Variants in RNF111 observed in about 807,000 individuals in gnomAD.
RNF111 encodes ring finger protein 111, also known as E3 ubiquitin-protein ligase Arkadia.
In RNF111, 17 loss-of-function variants were observed where a neutral mutation model predicts 95.1. The observed-to-expected ratio is 0.18, with a 90% CI of 0.12 to 0.27. The LOEUF (loss-of-function observed/expected upper bound fraction) is 0.27, where lower values mean the gene tolerates loss of function less well. Among genes scored for constraint, RNF111 ranks in the 10% least tolerant of loss-of-function variants. The probability of loss-of-function intolerance (pLI) is 1.00; values close to 1 mark genes in which losing one functional copy is unlikely to be tolerated. For missense variants in RNF111, 1,189 were observed against 1,210.4 expected (o/e 0.98, Z 0.26); for synonymous variants, 440 against 414.8 (o/e 1.06, Z -0.74).
intron 1 of RNF111, among the ~76,000 whole-genome samples, chr15:59,024,741 T>C (rs867331531): frequency 1.1e-4 from 17 of 152,240 alleles, no homozygotes; most frequent in Admixed American, 8.5e-4. Flanking sequence ...ATTAAGTACA[T>C]TGACATTGTT....
At position 59,074,116 on chromosome 15, in the gene RNF111, G is replaced by A. The variant is rs148226046; in HGVS notation, c.1687-1838G>A. ...ATTCTTAAAATATTCAGTAAACCACGTAAATAGCTGTACTGTCATCTAGGC... is the reference window on the plus strand; with the variant it reads ...ATTCTTAAAATATTCAGTAAACCACATAAATAGCTGTACTGTCATCTAGGC... On this transcript the variant is annotated intron_variant, in intron 6 of 13. Coordinates refer to ENST00000348370, the MANE Select transcript of RNF111 (RefSeq NM_017610.8). Among the ~76,000 whole-genome samples, 5 of 152,094 alleles carry A rather than the reference G, an allele frequency of 3.3e-5. No homozygotes were observed. In the East Asian group the frequency reaches 5.8e-4, roughly 18 times the overall value.
intron 5 of RNF111, among the ~76,000 whole-genome samples, chr15:59,060,994 G>A (rs1372854767): frequency 6.6e-6 from 1 of 151,810 alleles, no homozygotes; most frequent in Non-Finnish European, 1.5e-5. Context: ...TTGCCATGTT[G>A]CCGTGTTGCC....
intron 3 of RNF111, among the ~76,000 whole-genome samples, chr15:59,053,486 C>T (rs547887351): frequency 1.3e-5 from 2 of 152,172 alleles, no homozygotes; most frequent in African/African-American, 4.8e-5. Flanking sequence ...ATTCATATTT[C>T]TGACATCTGT....
chr15:59,034,147 C>T (rs1203455040), intron 2 of RNF111, among the ~76,000 whole-genome samples: 1 of 152,128 alleles, frequency 6.6e-6, no homozygotes, highest in African/African-American at 2.4e-5. Context: ...TTTTATATCA[C>T]TATGTATAGT....
intron 2 of RNF111, among the ~76,000 whole-genome samples, chr15:59,041,920 T>C (rs914715343): frequency 1.3e-5 from 2 of 151,870 alleles, no homozygotes; most frequent in East Asian, 1.9e-4. Flanking sequence ...TTAAAAACTT[T>C]AGGTCATTTT....
Position 59,058,409 on chromosome 15 carries a change from G to T in RNF111, c.1225G>T (p.Ala409Ser), listed in dbSNP as rs201513331. Residue 409 changes from alanine to serine, a missense_variant, in exon 5 of 14, where the codon GCT becomes TCT. Coordinates refer to ENST00000348370, the MANE Select transcript of RNF111 (RefSeq NM_017610.8). ...SARMESQATS[A>S]SINNSNPSTS... The stretch of plus-strand genomic sequence containing the variant: ...AAGAATGGAATCACAAGCTACTAGC[G>T]CTTCCATTAACAATTCAAATCCATC... 1 of 1,613,934 alleles carries T rather than the reference G, an allele frequency of 6.2e-7. No homozygotes were observed. Among genetic ancestry groups the T allele is most frequent in the Non-Finnish European group, 8.5e-7 (1 of 1,179,988 alleles).
intron 1 of RNF111, among the ~76,000 whole-genome samples, chr15:59,028,616 A>T (rs1020527409): frequency 9.2e-5 from 14 of 152,026 alleles, no homozygotes; most frequent in African/African-American, 2.9e-4. Context: ...AATCTTTTGT[A>T]TGGATTTATT....
intron 11 of RNF111, among the ~76,000 whole-genome samples, chr15:59,090,685 A>G (rs1452338857): frequency 6.6e-6 from 1 of 152,168 alleles, no homozygotes; most frequent in African/African-American, 2.4e-5. Flanking sequence ...TATTGTTGTA[A>G]TTTATAAAGA....
chr15:59,078,869 A>G (rs533447317), intron 7 of RNF111, among the ~76,000 whole-genome samples: 5 of 149,362 alleles, frequency 3.3e-5, no homozygotes, highest in Admixed American at 2.7e-4. Context: ...AAAAGAAGAA[A>G]AAAAAAAAAA....
In RNF111 at chr15:59,095,253, A is replaced by G. The variant is rs1352112337; in HGVS notation, c.*353A>G. 1 of 241,824 alleles carries G rather than the reference A, an allele frequency of 4.1e-6. No homozygotes were observed. Among genetic ancestry groups the G allele is most frequent in the African/African-American group, 2.4e-5 (1 of 42,086 alleles). 15.0% of individuals were successfully genotyped at this position (241,824 alleles called of 1,614,324 possible). On this transcript the variant is annotated 3_prime_UTR_variant, in exon 14 of 14. Transcript: ENST00000348370. ...GAATTTTGTGGTCTTTTTGTTTTTT[A>G]CATAGTACCAAGCCTTGATAATTAT...
chr15:59,069,956 G>C (rs1473033455), intron 6 of RNF111, among the ~76,000 whole-genome samples: 1 of 142,490 alleles, frequency 7.0e-6, no homozygotes, highest in South Asian at 2.4e-4. Context: ...TGCTTGCTTT[G>C]ATATGATATG....
chr15:59,021,214 G>A (rs540743415), intron 1 of RNF111, among the ~76,000 whole-genome samples: 2 of 152,220 alleles, frequency 1.3e-5, no homozygotes, highest in South Asian at 2.1e-4. Flanking sequence ...GCAGTGATGC[G>A]ATCTCGGCTC....
chr15:58,999,984 A>G (rs902216307), intron 1 of RNF111, among the ~76,000 whole-genome samples: 3 of 152,134 alleles, frequency 2.0e-5, no homozygotes, highest in African/African-American at 7.2e-5. Context: ...GTGCTGAACC[A>G]TTAGAAATTG....
At chr15:59,086,145 A>T (rs1265405136) in intron 10 of RNF111, among the ~76,000 whole-genome samples, 1 of 151,782 alleles carries the variant, frequency 6.6e-6, no homozygotes, top group African/African-American at 2.4e-5. Context: ...TTTTCGACAG[A>T]GTCTCACTCT....
At chr15:58,990,191 A>G (rs2038749051) in intron 1 of RNF111, among the ~76,000 whole-genome samples, 1 of 152,176 alleles carries the variant, frequency 6.6e-6, no homozygotes, top group African/African-American at 2.4e-5. Flanking sequence ...CTCTGTTTAA[A>G]TGAGAATTGT....
intron 2 of RNF111, among the ~76,000 whole-genome samples, chr15:59,039,302 T>A (rs528300159): frequency 6.6e-6 from 1 of 152,164 alleles, no homozygotes; most frequent in South Asian, 2.1e-4. Flanking sequence ...AGGTTTATTA[T>A]CTGAGGTTCT....
At chr15:59,015,544 A>G (rs1371349462) in intron 1 of RNF111, among the ~76,000 whole-genome samples, 1 of 151,972 alleles carries the variant, frequency 6.6e-6, no homozygotes, top group Non-Finnish European at 1.5e-5. Flanking sequence ...CTCCTCAGGT[A>G]AAGTCTTCCT....
Position 59,075,985 on chromosome 15 carries a change from G to C in RNF111, c.1718G>C (p.Gly573Ala), listed in dbSNP as rs751344693. 6.2e-7 allele frequency: 1 copy of C among 1,614,190 alleles called. No homozygotes were observed. The highest frequency in any genetic ancestry group is 8.5e-7 in the Non-Finnish European group (1 of 1,180,028). The change falls in exon 7 of 14, where the codon GGT (glycine) becomes GCT (alanine). Residue 573 changes from glycine to alanine, a missense_variant. Transcript: ENST00000348370. Reference protein sequence around the residue: ...QALPVDLSNSGIRSHGSGSFH... With the variant: ...QALPVDLSNSAIRSHGSGSFH... Reference sequence around the variant, plus strand: ...TTGCCAGTGGACCTGAGCAACAGTGGTATCAGAAGTCATGGAAGTGGCAGT... The same window carrying C: ...TTGCCAGTGGACCTGAGCAACAGTGCTATCAGAAGTCATGGAAGTGGCAGT...
At chr15:59,017,086 A>G (rs1389397326) in intron 1 of RNF111, among the ~76,000 whole-genome samples, 1 of 152,044 alleles carries the variant, frequency 6.6e-6, no homozygotes, top group Non-Finnish European at 1.5e-5. Flanking sequence ...ATTGCAATGC[A>G]ATGATAATAG....
Sources: gnomAD v4.1 joint callset for allele counts (sites outside exome capture counted in the v4.1 genomes callset) on GRCh38, gnomAD v4.1.1 for gene constraint, MANE v1.5 for transcripts, NCBI Gene and HGNC (gene_info 2026-07-23, HGNC 2026-07-21) for gene names.